Variants in CPB2 observed in about 807,000 individuals in gnomAD.
CPB2 encodes carboxypeptidase B-like protein.
In CPB2, 54 loss-of-function variants were observed where a neutral mutation model predicts 57.0. That is an observed-to-expected ratio of 0.95 (90% CI 0.76 to 1.19). The LOEUF (loss-of-function observed/expected upper bound fraction) is 1.19. Ranked by LOEUF, CPB2 falls within the 50% of genes most tolerant of loss-of-function variation. The pLI is 0.00. For synonymous variants in CPB2, 189 were observed against 178.1 expected, an observed-to-expected ratio of 1.06 and a Z score of -0.49; for missense variants, 426 against 512.0, an observed-to-expected ratio of 0.83 and a Z score of 1.62.
intron 1 of CPB2, chr13:46,097,131 C>CAT (rs1793012649): frequency 1.3e-5 from 2 of 152,358 alleles, no homozygotes; most frequent in Admixed American, 6.5e-5. Flanking sequence ...ACAGAATAGA[C>CAT]ATTAAACAGC....
In CPB2 at chr13:46,080,111, G is replaced by C. The variant is rs558025431; in HGVS notation, c.385-1210C>G. Among the ~76,000 whole-genome samples the C allele has an allele frequency of 9.2e-5, 14 of 152,342 alleles. No homozygotes were observed. The South Asian group carries it at 2.7e-3, about 29-fold the overall frequency. Reference sequence around the variant, plus strand: ...TAATATGAAGGCAGTTTAACCGACAGACTTTATTCATTTCTCAAACTAAGC... The same window carrying C: ...TAATATGAAGGCAGTTTAACCGACACACTTTATTCATTTCTCAAACTAAGC... On this transcript the variant is annotated intron_variant, in intron 4 of 10. Transcript: ENST00000181383.
At chr13:46,093,014 G>A (rs918977700) in intron 1 of CPB2, among the ~76,000 whole-genome samples, 10 of 152,188 alleles carry the variant, frequency 6.6e-5, no homozygotes, top group African/African-American at 2.4e-4. Context: ...CTGGGTTCAA[G>A]CGATTCTCCT....
chr13:46,096,070 G>A (rs192300767), intron 1 of CPB2, among the ~76,000 whole-genome samples: 90 of 151,830 alleles, frequency 5.9e-4, no homozygotes, highest in African/African-American at 2.1e-3. Flanking sequence ...TAGTAAAAAC[G>A]GGGATTCACC....
intron 1 of CPB2, among the ~76,000 whole-genome samples, chr13:46,104,339 C>G (rs896312429): frequency 6.6e-6 from 1 of 152,192 alleles, no homozygotes; most frequent in Admixed American, 6.5e-5. Context: ...TACCCTGGAA[C>G]TATTTTCTCC....
At chr13:46,073,078 C>G (rs1044606431) in intron 6 of CPB2, among the ~76,000 whole-genome samples, 6 of 152,158 alleles carry the variant, frequency 3.9e-5, no homozygotes, top group Non-Finnish European at 7.4e-5. Flanking sequence ...CAAGCAAAGA[C>G]AGAAACAGTT....
At position 46,073,581 on chromosome 13, in the gene CPB2, A is replaced by G. The variant is rs188949259; in HGVS notation, c.591+292T>C. ...ACTCCTTCAGTCCTTTCCTCTACTT[A>G]GTAAACATATTATAATCAATGTACT... On this transcript the variant is annotated intron_variant, in intron 6 of 10. Coordinates refer to ENST00000181383, the MANE Select transcript of CPB2 (RefSeq NM_001872.5). The G allele has an allele frequency of 2.9e-4, 100 of 341,864 alleles. 1 individual carries two copies. In the East Asian group the frequency reaches 0.016, roughly 56 times the overall value. The allele number at this position is 341,864 out of a possible 1,614,324, so 21.2% of individuals were successfully genotyped here.
intron 5 of CPB2, among the ~76,000 whole-genome samples, chr13:46,077,113 A>G (rs1435551945): frequency 6.6e-6 from 1 of 152,208 alleles, no homozygotes; most frequent in Non-Finnish European, 1.5e-5. Context: ...GCTTCTGCAC[A>G]GCAAAGGAAA....
rs1002009995 is a variant in CPB2 at position 46,067,284 on chromosome 13, GTCT to G, written c.702+20_702+22del. The G allele has an allele frequency of 8.4e-7, 1 of 1,187,914 alleles. No individual in the cohort carries two copies. Among genetic ancestry groups the G allele is most frequent in the Middle Eastern group, 1.9e-4 (1 of 5,260 alleles). 73.6% of individuals were successfully genotyped at this position (1,187,914 alleles called of 1,614,324 possible). On this transcript the variant is annotated intron_variant, in intron 7 of 10. Transcript: ENST00000181383. ...TATATCCCCAAGGAGAACATGATTTGTCTTCTTTGCCTTTTCTCCTACCTTTTT... is the reference window on the plus strand; with the variant it reads ...TATATCCCCAAGGAGAACATGATTTGTCTTTGCCTTTTCTCCTACCTTTTT...
In CPB2 at chr13:46,053,482, G is replaced by A; in HGVS notation, c.*132C>T. On this transcript the variant is annotated 3_prime_UTR_variant, in exon 11 of 11. Coordinates refer to ENST00000181383, the MANE Select transcript of CPB2 (RefSeq NM_001872.5). Reference sequence around the variant, plus strand: ...CAAAGTAGCACTTATTAGGTTCTCTGACAGAACCAAGGAATAGGAAAATCT... The same window carrying A: ...CAAAGTAGCACTTATTAGGTTCTCTAACAGAACCAAGGAATAGGAAAATCT... The A allele has an allele frequency of 7.2e-7, 1 of 1,385,544 alleles. No homozygotes were observed. The highest frequency in any genetic ancestry group is 2.3e-4 in the Middle Eastern group (1 of 4,424). The allele number at this position is 1,385,544 out of a possible 1,614,324, so 85.8% of individuals were successfully genotyped here.
Position 46,053,701 on chromosome 13 carries a change from C to G in CPB2, c.1185G>C (p.Leu395Phe). 6.2e-7 allele frequency: 1 copy of G among 1,614,116 alleles called. No individual in the cohort carries two copies. Among genetic ancestry groups the G allele is most frequent in the Non-Finnish European group, 8.5e-7 (1 of 1,180,022 alleles). The change falls in exon 11 of 11, where the codon TTG becomes TTC. Residue 395 changes from leucine (L) to phenylalanine (F), a missense_variant. By Grantham distance (22) the Leu-to-Phe change is conservative (BLOSUM62 0). Coordinates refer to ENST00000181383, the MANE Select transcript of CPB2 (RefSeq NM_001872.5). ...ELRDTGTYGF[L>F]LPERYIKPTC... ...TGGGTTTGATGTAACGCTCCGGCAG[C>G]AAGAATCCGTATGTGCCCGTATCTC...
chr13:46,093,225 A>T (rs2045319176), intron 1 of CPB2, among the ~76,000 whole-genome samples: 1 of 152,148 alleles, frequency 6.6e-6, no homozygotes, highest in Admixed American at 6.5e-5. Flanking sequence ...GATAACTTTA[A>T]CAAGGGTGGA....
chr13:46,087,299 C>T (rs1040877081), intron 2 of CPB2, among the ~76,000 whole-genome samples: 3 of 152,360 alleles, frequency 2.0e-5, no homozygotes, highest in Admixed American at 6.5e-5. Flanking sequence ...GCAGCAGCCG[C>T]TCTAGATGGG....
chr13:46,087,839 G>C lies in CPB2; in HGVS notation c.75-19C>G. ...TTGGCCACTGGGGAAAAAAATAAAAGAGGATTTTGATATTAAATAAAGAGT... is the reference window on the plus strand; with the variant it reads ...TTGGCCACTGGGGAAAAAAATAAAACAGGATTTTGATATTAAATAAAGAGT... On this transcript the variant is annotated intron_variant, in intron 1 of 10. Coordinates refer to ENST00000181383, the MANE Select transcript of CPB2 (RefSeq NM_001872.5). 2 of 1,528,678 alleles carry C rather than the reference G, an allele frequency of 1.3e-6. No homozygotes were observed. The highest frequency in any genetic ancestry group is 1.8e-6 in the Non-Finnish European group (2 of 1,108,236). The allele number at this position is 1,528,678 out of a possible 1,614,324, so 94.7% of individuals were successfully genotyped here. A position where few individuals can be genotyped will look rare whatever the true frequency, so the allele number is the denominator to read the frequency against.
At chr13:46,064,039 C>G (rs1047636794) in intron 8 of CPB2, among the ~76,000 whole-genome samples, 3 of 151,986 alleles carry the variant, frequency 2.0e-5, no homozygotes, top group African/African-American at 4.8e-5. Context: ...GGGCGGATCA[C>G]TTAAGGCCAG....
rs914516396 is a variant in CPB2 at position 46,084,406 on chromosome 13, T to C, written c.151-63A>G. The C allele has an allele frequency of 5.1e-6, 8 of 1,575,038 alleles. No homozygotes were observed. The African/African-American group carries it at 8.1e-5, about 16-fold the overall frequency. On this transcript the variant is annotated intron_variant, in intron 2 of 10. Coordinates refer to ENST00000181383, the MANE Select transcript of CPB2 (RefSeq NM_001872.5). ...GAGTTGTTCACATCATTCTCATCTGTAGCTAGAGCCATGACAGTTTTATCT... is the reference window on the plus strand; with the variant it reads ...GAGTTGTTCACATCATTCTCATCTGCAGCTAGAGCCATGACAGTTTTATCT...
intron 2 of CPB2, among the ~76,000 whole-genome samples, chr13:46,085,811 G>T (rs2045194584): frequency 6.6e-6 from 1 of 152,186 alleles, no homozygotes; most frequent in South Asian, 2.1e-4. Flanking sequence ...TTCACCAGCA[G>T]AAACCTCTGT....
chr13:46,053,369 G>A lies in CPB2; in HGVS notation c.*245C>T, dbSNP rs763591410. ...ACTTGCTTGAGATGGCTAGTCAAAC[G>A]TCGAAAATCAAAGAAAAAGTAGGTA... On this transcript the variant is annotated 3_prime_UTR_variant, in exon 11 of 11. Transcript: ENST00000181383. 2.5e-6 allele frequency: 1 copy of A among 398,724 alleles called. No individual in the cohort carries two copies. Among genetic ancestry groups the A allele is most frequent in the Non-Finnish European group, 4.2e-6 (1 of 239,216 alleles). The allele number at this position is 398,724 out of a possible 1,614,324, so 24.7% of individuals were successfully genotyped here.
At chr13:46,104,334 T>G (rs2045469116) in intron 1 of CPB2, among the ~76,000 whole-genome samples, 2 of 152,256 alleles carry the variant, frequency 1.3e-5, no homozygotes, top group African/African-American at 2.4e-5. Flanking sequence ...ACATATACCC[T>G]GGAACTATTT....
chr13:46,094,208 A>G (rs2045334042), intron 1 of CPB2, among the ~76,000 whole-genome samples: 1 of 152,074 alleles, frequency 6.6e-6, no homozygotes, highest in Non-Finnish European at 1.5e-5. Flanking sequence ...TAGCATTTTT[A>G]TTCTAGTGTG....
Sources: gnomAD v4.1 joint callset for allele counts (sites outside exome capture counted in the v4.1 genomes callset) on GRCh38, gnomAD v4.1.1 for gene constraint, MANE v1.5 for transcripts, NCBI Gene and HGNC (gene_info 2026-07-23, HGNC 2026-07-21) for gene names.